GOLGA5: variants seen among roughly 807,000 people sequenced by gnomAD.
The protein encoded by GOLGA5 is golgin A5.
Under a neutral mutation model 93.5 loss-of-function variants are expected in GOLGA5, and 50 were observed. That is an observed-to-expected ratio of 0.53 (90% CI 0.43 to 0.68). The LOEUF (loss-of-function observed/expected upper bound fraction) is 0.68. Ranked by LOEUF, GOLGA5 falls within the 30% of genes least tolerant of loss-of-function variation. The pLI, the probability that GOLGA5 is intolerant of heterozygous loss-of-function variation, is 0.00. For missense variants in GOLGA5, 760 were observed against 856.4 expected (o/e 0.89, Z 1.40); for synonymous variants, 312 against 304.5 (o/e 1.02, Z -0.26).
In GOLGA5 at chr14:92,797,941, C is replaced by T. The variant is rs1884773844; in HGVS notation, c.504C>T (p.Ile168=). The change falls in exon 2 of 13, where the codon ATC becomes ATT. Residue 168 remains isoleucine (I), a synonymous_variant. Coordinates refer to ENST00000163416, the MANE Select transcript of GOLGA5 (RefSeq NM_005113.4). Reference sequence around the variant, plus strand: ...CTGTGAACCCCAGTGTAACCACCATCAAAACCATTGAAGAAAATTCTTTTG... The same window carrying T: ...CTGTGAACCCCAGTGTAACCACCATTAAAACCATTGAAGAAAATTCTTTTG... ...VSSVNPSVTT[I]KTIEENSFGS... The T allele has an allele frequency of 1.3e-6, 2 of 1,594,866 alleles. No homozygotes were observed. The highest frequency in any genetic ancestry group is 1.7e-6 in the Non-Finnish European group (2 of 1,174,658).
At chr14:92,800,007 T>C (rs1884834354) in intron 2 of GOLGA5, among the ~76,000 whole-genome samples, 1 of 152,250 alleles carries the variant, frequency 6.6e-6, no homozygotes, top group African/African-American at 2.4e-5. Flanking sequence ...AAATCTTTCT[T>C]GTATTTTCAA....
rs780935662 is a variant in GOLGA5 at position 92,811,548 on chromosome 14, C to T, written c.1117-3C>T. On this transcript the variant is annotated splice_region_variant and splice_polypyrimidine_tract_variant and intron_variant, in intron 5 of 12. Coordinates refer to ENST00000163416, the MANE Select transcript of GOLGA5 (RefSeq NM_005113.4). ...TTAATTATGATATAAAAATTTGTCA[C>T]AGAGCGAGTTTGCTGCACGCCTTAA... 1.3e-6 allele frequency: 2 copies of T among 1,594,268 alleles called. No homozygotes were observed. The highest frequency in any genetic ancestry group is 1.7e-6 in the Non-Finnish European group (2 of 1,162,246).
intron 3 of GOLGA5, among the ~76,000 whole-genome samples, chr14:92,807,962 T>G (rs917559269): frequency 6.6e-6 from 1 of 152,070 alleles, no homozygotes; most frequent in Non-Finnish European, 1.5e-5. Context: ...AAGCTAGGCG[T>G]GGTGGCTCAC....
At chr14:92,818,585 A>C (rs1454911118) in intron 7 of GOLGA5, among the ~76,000 whole-genome samples, 1 of 152,230 alleles carries the variant, frequency 6.6e-6, no homozygotes, top group Non-Finnish European at 1.5e-5. Context: ...GTAGGGAAAA[A>C]TAGTTGTCAT....
intron 5 of GOLGA5, 151 bp downstream of exon 5, chr14:92,810,528 T>G: frequency 1.9e-6 from 1 of 517,080 alleles, no homozygotes; most frequent in Non-Finnish European, 3.3e-6. Flanking sequence ...ATTTGAAAAT[T>G]TAGCTTGATC....
chr14:92,804,655 CTTTT>C (rs765326844), intron 2 of GOLGA5, among the ~76,000 whole-genome samples: 3 of 114,302 alleles, frequency 2.6e-5, no homozygotes, highest in Admixed American at 8.6e-5. Flanking sequence ...TAATTTCTTT[CTTTT>C]TTTTTTTTTT....
At chr14:92,816,725 C>G (rs1885216820) in intron 7 of GOLGA5, among the ~76,000 whole-genome samples, 1 of 152,108 alleles carries the variant, frequency 6.6e-6, no homozygotes, top group Non-Finnish European at 1.5e-5. Context: ...TCACGCCCAG[C>G]TAATTTTTAT....
rs757107599 is a variant in GOLGA5 at position 92,810,384 on chromosome 14, A to G, written c.1116+7A>G. Reference sequence around the variant, plus strand: ...GAGCTATAAACAGATGCAGGTTAGAATGAGAGACAGCAGATTCCTATTGTT... The same window carrying G: ...GAGCTATAAACAGATGCAGGTTAGAGTGAGAGACAGCAGATTCCTATTGTT... On this transcript the variant is annotated splice_region_variant and intron_variant, in intron 5 of 12. Transcript: ENST00000163416. 14 of 1,554,852 alleles carry G rather than the reference A, an allele frequency of 9.0e-6. No homozygotes were observed. The highest frequency in any genetic ancestry group is 5.6e-5 in the African/African-American group (4 of 71,472).
Position 92,833,238 on chromosome 14 carries a change from G to T in GOLGA5, c.1836G>T (p.Lys612Asn). Residue 612 changes from lysine (K) to asparagine (N), a missense_variant, in exon 10 of 13, where the codon AAG becomes AAT. Coordinates refer to ENST00000163416, the MANE Select transcript of GOLGA5 (RefSeq NM_005113.4). ...TGCTGGAGAGTCTCAGCACAGAAAA[G>T]AACTCCCTGGTCTTTCAACTGGAGC... ...QTMLESLSTE[K>N]NSLVFQLERL... 6.2e-7 allele frequency: 1 copy of T among 1,613,808 alleles called. No individual in the cohort carries two copies. The highest frequency in any genetic ancestry group is 8.5e-7 in the Non-Finnish European group (1 of 1,179,734).
At position 92,797,932 on chromosome 14, in the gene GOLGA5, A is replaced by G; in HGVS notation, c.495A>G (p.Val165=). 6.2e-7 allele frequency: 1 copy of G among 1,603,858 alleles called. No individual in the cohort carries two copies. Among genetic ancestry groups the G allele is most frequent in the South Asian group, 1.1e-5 (1 of 88,974 alleles). ...TSSVSSVNPS[V]TTIKTIEENS... is the part of the protein sequence containing the mutation. ...GTGTCAGTTCTGTGAACCCCAGTGT[A>G]ACCACCATCAAAACCATTGAAGAAA... The change falls in exon 2 of 13, where the codon GTA becomes GTG. Residue 165 remains valine (V), a synonymous_variant. Coordinates refer to ENST00000163416, the MANE Select transcript of GOLGA5 (RefSeq NM_005113.4).
chr14:92,821,081 G>A (rs562314019), intron 8 of GOLGA5, among the ~76,000 whole-genome samples: 1 of 152,204 alleles, frequency 6.6e-6, no homozygotes, highest in Non-Finnish European at 1.5e-5. Context: ...TAGAACCAAG[G>A]TTTCCTGTTT....
chr14:92,810,221 A>G (rs768740148), intron 4 of GOLGA5, 33 bp from the exon 5 acceptor site: 6 of 1,547,550 alleles, frequency 3.9e-6, no homozygotes, highest in South Asian at 1.2e-5. Context: ...CACTGTAGAC[A>G]TGAGTTATTT....
At chr14:92,835,951 T>A (rs1472096524) in intron 11 of GOLGA5, among the ~76,000 whole-genome samples, 1 of 152,174 alleles carries the variant, frequency 6.6e-6, no homozygotes, top group Non-Finnish European at 1.5e-5. Flanking sequence ...ATCTCTTTTT[T>A]CTATAATAAA....
intron 9 of GOLGA5, among the ~76,000 whole-genome samples, chr14:92,827,270 T>C (rs1054987652): frequency 6.6e-6 from 1 of 151,470 alleles, no homozygotes; most frequent in African/African-American, 2.4e-5. Context: ...CAAGCAAGTC[T>C]GTCCACACCA....
chr14:92,809,554 A>G, intron 4 of GOLGA5, 35 bp downstream of exon 4: 1 of 1,291,400 alleles, frequency 7.7e-7, no homozygotes, highest in Admixed American at 1.8e-5. Flanking sequence ...AAAAATGAGC[A>G]AGTAATGGTA....
At chr14:92,838,914 T>C (rs2140340712) in intron 12 of GOLGA5, among the ~76,000 whole-genome samples, 1 of 152,306 alleles carries the variant, frequency 6.6e-6, no homozygotes, top group East Asian at 1.9e-4. Context: ...TTTGTCACTA[T>C]GAATCGTGTT....
chr14:92,802,207 A>G (rs1566952725), intron 2 of GOLGA5, among the ~76,000 whole-genome samples: 2 of 152,054 alleles, frequency 1.3e-5, no homozygotes, highest in Non-Finnish European at 2.9e-5. Context: ...TTAAAATTTT[A>G]TTGTTTTCTC....
chr14:92,819,117 T>G (rs750819279), intron 7 of GOLGA5, among the ~76,000 whole-genome samples: 2 of 152,156 alleles, frequency 1.3e-5, no homozygotes, highest in African/African-American at 2.4e-5. Context: ...ATTATGTTTC[T>G]GATTTTTTTT....
At chr14:92,823,011 T>C (rs920562321) in intron 8 of GOLGA5, among the ~76,000 whole-genome samples, 3 of 152,204 alleles carry the variant, frequency 2.0e-5, no homozygotes, top group Non-Finnish European at 2.9e-5. Context: ...CCAAGGCTTC[T>C]GGATTTTCAG....
Sources: gnomAD v4.1 joint callset for allele counts (sites outside exome capture counted in the v4.1 genomes callset) on GRCh38, gnomAD v4.1.1 for gene constraint, MANE v1.5 for transcripts, NCBI Gene and HGNC (gene_info 2026-07-23, HGNC 2026-07-21) for gene names.